The following CYP19A1 variants were observed in gnomAD, a reference collection of about 807,000 sequenced individuals.
CYP19A1 encodes the protein cytochrome P450 family 19 subfamily A member 1.
Under a neutral mutation model 44.4 loss-of-function variants are expected in CYP19A1, and 32 were observed. The observed-to-expected ratio is 0.72, with a 90% CI of 0.54 to 0.97. CYP19A1 has a LOEUF of 0.97. CYP19A1 is among the 50% of genes least tolerant of loss of function. The pLI, the probability that CYP19A1 is intolerant of heterozygous loss-of-function variation, is 0.00. For missense variants in CYP19A1, 598 were observed against 637.8 expected, an observed-to-expected ratio of 0.94 and a Z score of 0.67; for synonymous variants, 212 against 215.6, an observed-to-expected ratio of 0.98 and a Z score of 0.14.
At chr15:51,311,966 A>G (rs1233425510) in intron 1 of CYP19A1, among the ~76,000 whole-genome samples, 1 of 152,232 alleles carries the variant, frequency 6.6e-6, no homozygotes, top group Non-Finnish European at 1.5e-5. Context: ...TTTCTGTTCA[A>G]AAATAATATT....
intron 1 of CYP19A1, among the ~76,000 whole-genome samples, chr15:51,294,423 G>C (rs1427706679): frequency 6.7e-6 from 1 of 150,140 alleles, no homozygotes; most frequent in African/African-American, 2.5e-5. Context: ...GAAGTGAGGA[G>C]ACCCTCCGCC....
At chr15:51,225,949 C>T (rs184312360) in intron 4 of CYP19A1, among the ~76,000 whole-genome samples, 3 of 151,688 alleles carry the variant, frequency 2.0e-5, no homozygotes, top group Admixed American at 1.3e-4. Flanking sequence ...ATTAGCTGGG[C>T]GTGGTGGTGG....
At chr15:51,224,881 G>A (rs2032440991) in intron 4 of CYP19A1, among the ~76,000 whole-genome samples, 1 of 152,154 alleles carries the variant, frequency 6.6e-6, no homozygotes, top group African/African-American at 2.4e-5. Flanking sequence ...ACAGGGCCCT[G>A]GATGCATCAT....
intron 8 of CYP19A1, among the ~76,000 whole-genome samples, chr15:51,214,008 C>T (rs966545143): frequency 3.9e-5 from 6 of 152,214 alleles, no homozygotes; most frequent in African/African-American, 1.4e-4. Flanking sequence ...CTGTGTGAGG[C>T]ATCTGCAGAT....
intron 1 of CYP19A1, among the ~76,000 whole-genome samples, chr15:51,288,756 C>T (rs1428648432): frequency 6.6e-6 from 1 of 152,214 alleles, no homozygotes; most frequent in African/African-American, 2.4e-5. Flanking sequence ...TGCCTTGCTC[C>T]TCTGGTGAGA....
chr15:51,210,797 AC>A lies in CYP19A1; in HGVS notation c.*10del. The A allele has an allele frequency of 6.5e-7, 1 of 1,540,700 alleles. No homozygotes were observed. On this transcript the variant is annotated 3_prime_UTR_variant, in exon 10 of 10. Coordinates refer to ENST00000396402, the MANE Select transcript of CYP19A1 (RefSeq NM_000103.4). ...GAGAAATGCTCCAGAGTGGGTACTG[AC>A]CAGCCTTCTCTAGTGTTCCAGACAC...
At chr15:51,218,700 C>A in intron 5 of CYP19A1, 45 bp from the exon 6 acceptor site, 2 of 1,579,796 alleles carry the variant, frequency 1.3e-6, no homozygotes, top group Admixed American at 1.8e-5. Flanking sequence ...AGCAGTTGAG[C>A]AAAATGTGAG....
chr15:51,236,979 A>AG lies in CYP19A1; in HGVS notation c.175dup (p.Leu59ProfsTer71). 6.2e-7 allele frequency: 1 copy of AG among 1,614,168 alleles called. No homozygotes were observed. The highest frequency in any genetic ancestry group is 1.7e-5 in the Admixed American group (1 of 60,028). On this transcript the variant is annotated frameshift_variant, in exon 3 of 10. Coordinates refer to ENST00000396402, the MANE Select transcript of CYP19A1 (RefSeq NM_000103.4). LOFTEE classifies it high-confidence loss of function. ...CCACAGGAATCTGCCGTGGGAGATG[A>AG]GGGGTCCAATTCCCATGCAGTAGCC...
intron 3 of CYP19A1, among the ~76,000 whole-genome samples, chr15:51,235,367 C>T (rs2033323057): frequency 6.6e-6 from 1 of 152,166 alleles, no homozygotes; most frequent in Non-Finnish European, 1.5e-5. Flanking sequence ...GGGTGGGGCC[C>T]AAGAACGTGC....
chr15:51,335,904 G>A (rs2446409), intron 1 of CYP19A1, among the ~76,000 whole-genome samples: 7,305 of 152,204 alleles, frequency 0.048, 218 homozygotes, highest in Non-Finnish European at 0.064. Context: ...TGCTCCTGAC[G>A]CTCCATGTGG....
chr15:51,216,233 A>G (rs1413045539), intron 6 of CYP19A1, among the ~76,000 whole-genome samples: 1 of 152,048 alleles, frequency 6.6e-6, no homozygotes, highest in Admixed American at 6.6e-5. Flanking sequence ...CTTGTCTTAC[A>G]TTCCCATAGC....
At chr15:51,274,642 G>A (rs1223228764) in intron 1 of CYP19A1, among the ~76,000 whole-genome samples, 1 of 152,196 alleles carries the variant, frequency 6.6e-6, no homozygotes, top group African/African-American at 2.4e-5. Context: ...TACATGAACT[G>A]TCTGGCTTTA....
At chr15:51,238,580 C>A (rs933384179) in intron 2 of CYP19A1, among the ~76,000 whole-genome samples, 1 of 152,192 alleles carries the variant, frequency 6.6e-6, no homozygotes, top group African/African-American at 2.4e-5. Flanking sequence ...CCTCCACCTC[C>A]CGGGTTCAAG....
In CYP19A1 at chr15:51,210,663, G is replaced by A; in HGVS notation, c.*145C>T. ...GCAGATGACAAATAGCACCTAGCTT[G>A]GTGACAACCCATAGGAGGTATGCCT... On this transcript the variant is annotated 3_prime_UTR_variant, in exon 10 of 10. Coordinates refer to ENST00000396402, the MANE Select transcript of CYP19A1 (RefSeq NM_000103.4). The A allele has an allele frequency of 1.3e-6, 1 of 765,964 alleles. No individual in the cohort carries two copies. The highest frequency in any genetic ancestry group is 2.4e-5 in the East Asian group (1 of 40,868). The allele number at this position is 765,964 out of a possible 1,614,324, so 47.4% of individuals were successfully genotyped here.
chr15:51,292,697 A>G (rs942647498), intron 1 of CYP19A1, among the ~76,000 whole-genome samples: 27 of 152,180 alleles, frequency 1.8e-4, no homozygotes, highest in African/African-American at 6.3e-4. Context: ...CAAGCTTTGT[A>G]TCCATCCAGA....
intron 1 of CYP19A1, among the ~76,000 whole-genome samples, chr15:51,296,703 T>A (rs1419061109): frequency 2.6e-5 from 4 of 152,166 alleles, no homozygotes; most frequent in Admixed American, 2.6e-4. Flanking sequence ...TAGATCAGAG[T>A]TTGAGTTTTT....
chr15:51,217,953 G>A (rs1311096968), intron 6 of CYP19A1, among the ~76,000 whole-genome samples: 2 of 152,100 alleles, frequency 1.3e-5, no homozygotes, highest in African/African-American at 4.8e-5. Context: ...AGGCCACTGG[G>A]CATTTGTCCA....
chr15:51,301,571 C>T (rs909506081), intron 1 of CYP19A1, among the ~76,000 whole-genome samples: 2 of 152,218 alleles, frequency 1.3e-5, no homozygotes, highest in African/African-American at 2.4e-5. Context: ...GCTGACCCCC[C>T]GCGTGCCTTC....
intron 1 of CYP19A1, among the ~76,000 whole-genome samples, chr15:51,287,950 A>G (rs2035746886): frequency 6.6e-6 from 1 of 152,248 alleles, no homozygotes; most frequent in Admixed American, 6.5e-5. Context: ...GTATTACTGG[A>G]GTAAAATATG....
Sources: gnomAD v4.1 joint callset for allele counts (sites outside exome capture counted in the v4.1 genomes callset) on GRCh38, gnomAD v4.1.1 for gene constraint, MANE v1.5 for transcripts, NCBI Gene and HGNC (gene_info 2026-07-23, HGNC 2026-07-21) for gene names.